The following MIER2 variants were observed in gnomAD, a reference collection of about 807,000 sequenced individuals.
MIER2 encodes mesoderm induction early response protein 2.
A neutral mutation model predicts 67.6 loss-of-function variants in MIER2; 30 were observed. The ratio of observed to expected loss-of-function variants is 0.44; its 90% CI spans 0.33 to 0.60. The LOEUF is 0.60. Ranked by LOEUF, MIER2 falls within the 20% of genes least tolerant of loss-of-function variation. The probability of loss-of-function intolerance (pLI) is 0.02; values close to 1 mark genes in which losing one functional copy is unlikely to be tolerated. For synonymous variants in MIER2, 372 were observed against 312.6 expected, an observed-to-expected ratio of 1.19 and a Z score of -2.00; for missense variants, 702 against 745.1, an observed-to-expected ratio of 0.94 and a Z score of 0.67.
intron 7 of MIER2, among the ~76,000 whole-genome samples, chr19:318,585 C>T (rs953705635): frequency 4.0e-4 from 61 of 152,140 alleles, no homozygotes; most frequent in African/African-American, 1.1e-3. Flanking sequence ...AATTATCCAG[C>T]GGATCCAAGG....
intron 10 of MIER2, among the ~76,000 whole-genome samples, chr19:309,410 G>C (rs1440639508): frequency 6.6e-6 from 1 of 152,106 alleles, no homozygotes; most frequent in African/African-American, 2.4e-5. Context: ...CGCGGCGCCT[G>C]CTTTCCCACC....
At chr19:342,019 C>T (rs959214543) in intron 1 of MIER2, among the ~76,000 whole-genome samples, 1 of 152,124 alleles carries the variant, frequency 6.6e-6, no homozygotes, top group African/African-American at 2.4e-5. Context: ...TGGCAGGTTC[C>T]ATTCGCCAAG....
In MIER2 at chr19:306,346, C is replaced by T; in HGVS notation, c.*344G>A. The T allele has an allele frequency of 2.6e-6, 1 of 388,392 alleles. No individual in the cohort carries two copies. The highest frequency in any genetic ancestry group is 4.7e-6 in the Non-Finnish European group (1 of 214,788). 24.1% of individuals were successfully genotyped at this position (388,392 alleles called of 1,614,324 possible). ...GCAGTGACGCCTTCCCTCGCCTCTG[C>T]TGGCTGGAAGGGACTAGGTGGCCGG... On this transcript the variant is annotated 3_prime_UTR_variant, in exon 14 of 14. Coordinates refer to ENST00000264819, the MANE Select transcript of MIER2 (RefSeq NM_017550.3).
chr19:344,483 G>T, intron 1 of MIER2: 1 of 610,384 alleles, frequency 1.6e-6, no homozygotes, highest in Non-Finnish European at 2.0e-6. Context: ...GCCCCGCCCC[G>T]CGTCCCTCCC....
In MIER2 at chr19:308,634, G is replaced by T; in HGVS notation, c.1141C>A (p.Pro381Thr). Residue 381 changes from proline (P) to threonine (T), a missense_variant, in exon 12 of 14, where the codon CCC becomes ACC. This residue lies in a region of MIER2 where 254 missense variants were observed against 262.8 expected (regional missense o/e 0.97). Coordinates refer to ENST00000264819, the MANE Select transcript of MIER2 (RefSeq NM_017550.3). This position sits in a 1 kb window ranked among gnomAD's most constrained non-coding sequence, Gnocchi z 9.1. ...DADQDLDGSD[P>T]DGPGRPRPEQ... Reference sequence around the variant, plus strand: ...GGGCGCGGACGGCCGGGGCCATCGGGGTCGCTGCCATCCAGGTCCTGGTCT... The same window carrying T: ...GGGCGCGGACGGCCGGGGCCATCGGTGTCGCTGCCATCCAGGTCCTGGTCT... 6.2e-7 allele frequency: 1 copy of T among 1,606,294 alleles called. No homozygotes were observed. Among genetic ancestry groups the T allele is most frequent in the Non-Finnish European group, 8.5e-7 (1 of 1,177,594 alleles).
At position 327,115 on chromosome 19, in the gene MIER2, G is replaced by A. The variant is rs1251657703; in HGVS notation, c.493+18C>T. On this transcript the variant is annotated intron_variant, in intron 5 of 13. Transcript: ENST00000264819. ...AGGGGGCCTGGCTGCGGTGGAGTAT[G>A]GGGACAGAGTCACCTACATCCACTC... 1 of 1,572,414 alleles carries A rather than the reference G, an allele frequency of 6.4e-7. No homozygotes were observed. Among genetic ancestry groups the A allele is most frequent in the Non-Finnish European group, 8.6e-7 (1 of 1,167,152 alleles).
intron 5 of MIER2, 106 bp from the exon 6 acceptor site, chr19:326,704 C>A (rs1600151999): frequency 1.4e-5 from 13 of 911,240 alleles, no homozygotes; most frequent in Admixed American, 5.9e-5. Context: ...CAGGCCATAA[C>A]CCTCTCTCTG....
intron 10 of MIER2, among the ~76,000 whole-genome samples, chr19:309,250 C>T (rs1233191070): frequency 1.3e-5 from 2 of 152,084 alleles, no homozygotes; most frequent in African/African-American, 4.8e-5. Flanking sequence ...TACTGCTCAC[C>T]CACCCCATCC....
chr19:310,967 G>A lies in MIER2; in HGVS notation c.984+878C>T, dbSNP rs953018660. Among the ~76,000 whole-genome samples the A allele has an allele frequency of 2.0e-5, 3 of 152,252 alleles. No individual in the cohort carries two copies. In the South Asian group the frequency reaches 6.2e-4, roughly 32 times the overall value. On this transcript the variant is annotated intron_variant, in intron 10 of 13. Coordinates refer to ENST00000264819, the MANE Select transcript of MIER2 (RefSeq NM_017550.3). Reference sequence around the variant, plus strand: ...GTCTCCAATCAAAACACCACGTGGTGCTGGAGTCTGACAAGGACAGTCCAT... The same window carrying A: ...GTCTCCAATCAAAACACCACGTGGTACTGGAGTCTGACAAGGACAGTCCAT...
chr19:324,080 C>G (rs1420785103), intron 7 of MIER2, among the ~76,000 whole-genome samples: 10 of 132,634 alleles, frequency 7.5e-5, no homozygotes, highest in Non-Finnish European at 1.6e-4. Flanking sequence ...CACAACCACG[C>G]AGACGACTCA....
chr19:313,716 C>CAGCCAA lies in MIER2; in HGVS notation c.656-79_656-74dup, dbSNP rs1463809577. On this transcript the variant is annotated intron_variant, in intron 7 of 13. Coordinates refer to ENST00000264819, the MANE Select transcript of MIER2 (RefSeq NM_017550.3). ...CCCACACACGCCAGGACAAGCAAAG[C>CAGCCAA]AGCCAACTCAGCCCCTGACAGGGAG... 5 of 1,548,946 alleles carry CAGCCAA rather than the reference C, an allele frequency of 3.2e-6. No individual in the cohort carries two copies. In the Admixed American group the frequency reaches 5.5e-5, roughly 17 times the overall value.
chr19:342,123 C>G (rs183423367), intron 1 of MIER2, among the ~76,000 whole-genome samples: 135 of 152,300 alleles, frequency 8.9e-4, no homozygotes, highest in African/African-American at 3.2e-3. Flanking sequence ...CTCCTCCCAC[C>G]CACACCAACT....
At chr19:314,321 C>T (rs553627827) in intron 7 of MIER2, among the ~76,000 whole-genome samples, 30 of 152,242 alleles carry the variant, frequency 2.0e-4, no homozygotes, top group Non-Finnish European at 3.7e-4. Flanking sequence ...AATTGGCTTT[C>T]GGCAAAGGGA....
chr19:338,782 G>A (rs1372658484), intron 1 of MIER2, among the ~76,000 whole-genome samples: 1 of 152,064 alleles, frequency 6.6e-6, no homozygotes, highest in Non-Finnish European at 1.5e-5. Flanking sequence ...TTCCACAAAG[G>A]TATCAAAACA....
intron 3 of MIER2, among the ~76,000 whole-genome samples, chr19:328,329 G>C (rs907168206): frequency 5.9e-5 from 9 of 151,770 alleles, no homozygotes. Context: ...TGCGACACCT[G>C]GCAATTTACT....
At position 306,532 on chromosome 19, in the gene MIER2, C is replaced by T; in HGVS notation, c.*158G>A. On this transcript the variant is annotated 3_prime_UTR_variant, in exon 14 of 14. Transcript: ENST00000264819. ...TGTGGACAGGGGCAAGGGCTCACGG[C>T]CCAGCCACCTCACCCCAGTCCTGAC... 4 of 1,024,526 alleles carry T rather than the reference C, an allele frequency of 3.9e-6. No homozygotes were observed. The allele number at this position is 1,024,526 out of a possible 1,614,324, so 63.5% of individuals were successfully genotyped here. A position where few individuals can be genotyped will look rare whatever the true frequency, so the allele number is the denominator to read the frequency against.
chr19:318,443 G>A (rs1971354785), intron 7 of MIER2, among the ~76,000 whole-genome samples: 1 of 152,082 alleles, frequency 6.6e-6, no homozygotes, highest in Non-Finnish European at 1.5e-5. Flanking sequence ...TTAACACAAT[G>A]TGAAGTAAAA....
chr19:324,763 AC>A (rs1372007645), intron 7 of MIER2, among the ~76,000 whole-genome samples: 6 of 152,210 alleles, frequency 3.9e-5, no homozygotes, highest in African/African-American at 1.4e-4. Flanking sequence ...GCTGCTCCAG[AC>A]AGGGCACCCT....
intron 5 of MIER2, chr19:326,914 C>T: frequency 1.6e-6 from 1 of 620,730 alleles, no homozygotes; most frequent in Non-Finnish European, 2.7e-6. Flanking sequence ...CCAACATGTT[C>T]CCTACTTGTT....
Sources: allele counts gnomAD v4.1 joint callset (sites outside exome capture counted in the v4.1 genomes callset), GRCh38; gene constraint gnomAD v4.1.1; regional missense constraint gnomAD v4.1.1; non-coding constraint Gnocchi (gnomAD v3.1); transcripts MANE v1.5; gene names NCBI Gene and HGNC (gene_info 2026-07-23, HGNC 2026-07-21).